Variants in OPRM1 observed in about 807,000 individuals in gnomAD.
The protein encoded by OPRM1 is opioid receptor mu 1, also known as mu-type opioid receptor.
OPRM1 carries 27 observed loss-of-function variants against 31.8 expected under a neutral mutation model. The observed-to-expected ratio is 0.85, with a 90% CI of 0.63 to 1.17. The LOEUF is 1.17. Ranked by LOEUF, OPRM1 falls within the 50% of genes most tolerant of loss-of-function variation. OPRM1 has a pLI of 0.00. For synonymous variants in OPRM1, 196 were observed against 189.9 expected (o/e 1.03, Z -0.26); for missense variants, 536 against 511.1 (o/e 1.05, Z -0.47).
rs182343425 is a variant in OPRM1 at position 154,109,095 on chromosome 6, A to G, written c.1165-9588A>G. ...AATGTTAGCCTCACTCTAATAGACA[A>G]TACACTTCAGGAACGAAATAAGCAA... On this transcript the variant is annotated intron_variant, in intron 3 of 3. Coordinates refer to ENST00000330432, the MANE Select transcript of OPRM1 (RefSeq NM_000914.5). 31 of 941,000 alleles carry G rather than the reference A, an allele frequency of 3.3e-5. No homozygotes were observed. In the African/African-American group the frequency reaches 5.0e-4, roughly 15 times the overall value. 58.3% of individuals were successfully genotyped at this position (941,000 alleles called of 1,614,324 possible).
intron 3 of OPRM1, among the ~76,000 whole-genome samples, chr6:154,195,254 T>G (rs1184455359): frequency 6.6e-6 from 1 of 151,094 alleles, no homozygotes; most frequent in Non-Finnish European, 1.5e-5. Flanking sequence ...TTCACACCAT[T>G]CTCCTGCCTC....
chr6:154,022,307 TC>T (rs1778422902), intron 1 of OPRM1, among the ~76,000 whole-genome samples: 1 of 152,130 alleles, frequency 6.6e-6, no homozygotes, highest in African/African-American at 2.4e-5. Context: ...TATAAAATCC[TC>T]TGATGAATCT....
intron 3 of OPRM1, among the ~76,000 whole-genome samples, chr6:154,194,795 T>C (rs927065220): frequency 3.9e-5 from 6 of 152,182 alleles, no homozygotes; most frequent in Non-Finnish European, 8.8e-5. Flanking sequence ...CATAGAGATC[T>C]TTAGCCACCT....
intron 3 of OPRM1, among the ~76,000 whole-genome samples, chr6:154,112,192 G>A (rs757670396): frequency 1.3e-5 from 2 of 152,178 alleles, no homozygotes; most frequent in Non-Finnish European, 2.9e-5. Flanking sequence ...TCTACTAACT[G>A]TACTGTGGTT....
Position 154,204,080 on chromosome 6 carries a change from AG to A in OPRM1, c.1165-42611del, listed in dbSNP as rs908198104. 8.5e-5 allele frequency among the ~76,000 whole-genome samples: 13 copies of A among 152,334 alleles called. No homozygotes were observed. The East Asian group carries it at 1.3e-3, about 16-fold the overall frequency. ...GTATTAAGTATTTTATATTTAAATGAGGAAGTTAAAGACATTTCAAAAATCT... is the reference window on the plus strand; with the variant it reads ...GTATTAAGTATTTTATATTTAAATGAGAAGTTAAAGACATTTCAAAAATCT... On this transcript the variant is annotated intron_variant, in intron 3 of 3. Coordinates refer to the OPRM1 transcript ENST00000337049.
chr6:154,046,097 G>A (rs1326882627), intron 1 of OPRM1, among the ~76,000 whole-genome samples: 5 of 152,120 alleles, frequency 3.3e-5, no homozygotes, highest in African/African-American at 1.2e-4. Context: ...GTGACTATAC[G>A]TTAGCACAGT....
At chr6:154,240,221 C>A (rs981162861) in intron 3 of OPRM1, among the ~76,000 whole-genome samples, 2 of 152,070 alleles carry the variant, frequency 1.3e-5, no homozygotes, top group African/African-American at 4.8e-5. Flanking sequence ...TTAAGCAATT[C>A]CTTCAAAAAA....
chr6:154,207,121 C>A (rs1020340898), intron 3 of OPRM1, among the ~76,000 whole-genome samples: 3 of 152,106 alleles, frequency 2.0e-5, no homozygotes, highest in Non-Finnish European at 2.9e-5. Context: ...TAACTCAGGT[C>A]AGGGCTGATG....
At chr6:154,201,468 T>C (rs922416918) in intron 3 of OPRM1, among the ~76,000 whole-genome samples, 1 of 152,130 alleles carries the variant, frequency 6.6e-6, no homozygotes, top group African/African-American at 2.4e-5. Context: ...GCCAACAAAA[T>C]CAAAAAATCT....
At chr6:154,171,366 C>T (rs1799854704) in intron 3 of OPRM1, among the ~76,000 whole-genome samples, 1 of 152,118 alleles carries the variant, frequency 6.6e-6, no homozygotes, top group Non-Finnish European at 1.5e-5. Flanking sequence ...AAGCCAGTCA[C>T]AAACAACCAC....
At chr6:154,096,271 G>T (rs910261117) in intron 3 of OPRM1, among the ~76,000 whole-genome samples, 1 of 152,060 alleles carries the variant, frequency 6.6e-6, no homozygotes, top group East Asian at 1.9e-4. Flanking sequence ...TGTTGGTCAG[G>T]CTGGCCTCAA....
At chr6:154,143,586 T>C (rs1798277181) in intron 3 of OPRM1, among the ~76,000 whole-genome samples, 1 of 152,156 alleles carries the variant, frequency 6.6e-6, no homozygotes, top group Non-Finnish European at 1.5e-5. Context: ...GATGCTATGG[T>C]TTGAATGTTT....
intron 3 of OPRM1, among the ~76,000 whole-genome samples, chr6:154,214,032 G>T (rs1778182666): frequency 6.6e-6 from 1 of 152,170 alleles, no homozygotes; most frequent in African/African-American, 2.4e-5. Flanking sequence ...AGCATGGGAA[G>T]CTCTATTCCA....
chr6:154,227,691 TGG>T (rs767592022), intron 3 of OPRM1, among the ~76,000 whole-genome samples: 54 of 152,182 alleles, frequency 3.5e-4, no homozygotes, highest in Non-Finnish European at 7.2e-4. Flanking sequence ...CACTCCAGCC[TGG>T]GTGACAGAGT....
chr6:154,099,327 G>GGAAGGAAA (rs1298197103), intron 3 of OPRM1, among the ~76,000 whole-genome samples: 2 of 127,280 alleles, frequency 1.6e-5, no homozygotes, highest in Non-Finnish European at 3.3e-5. Context: ...AAGGAAGGAA[G>GGAAGGAAA]GAAGGGAGGG....
At chr6:154,050,241 G>A (rs1781925142) in intron 1 of OPRM1, among the ~76,000 whole-genome samples, 1 of 152,092 alleles carries the variant, frequency 6.6e-6, no homozygotes, top group African/African-American at 2.4e-5. Flanking sequence ...TAGGTTGTAT[G>A]TATATACTCA....
At position 154,122,528 on chromosome 6, in the gene OPRM1, T is replaced by A. The variant is rs2128527577; in HGVS notation, c.*3807T>A. On this transcript the variant is annotated 3_prime_UTR_variant, in exon 4 of 4. Coordinates refer to ENST00000330432, the MANE Select transcript of OPRM1 (RefSeq NM_000914.5). ...TCTAAGGCAAAAGTAAATTAATGAG[T>A]CCAACTCTGGGGCATCCATTTAAGA... Among the ~76,000 whole-genome samples, 1 of 152,214 alleles carries A rather than the reference T, an allele frequency of 6.6e-6. No individual in the cohort carries two copies. The highest frequency in any genetic ancestry group is 1.9e-4 in the East Asian group (1 of 5,178).
chr6:154,078,886 GA>G (rs17181150), intron 1 of OPRM1, among the ~76,000 whole-genome samples: 40 of 151,822 alleles, frequency 2.6e-4, no homozygotes, highest in East Asian at 7.8e-4. Context: ...TCAGGAGGGG[GA>G]AAAAAAATCA....
At chr6:154,049,944 CA>C (rs1185590050) in intron 1 of OPRM1, among the ~76,000 whole-genome samples, 1 of 152,130 alleles carries the variant, frequency 6.6e-6, no homozygotes, top group African/African-American at 2.4e-5. Flanking sequence ...TAATATTCAT[CA>C]GAGATATTGG....
Sources: gnomAD v4.1 joint callset for allele counts (sites outside exome capture counted in the v4.1 genomes callset) on GRCh38, gnomAD v4.1.1 for gene constraint, MANE v1.5 for transcripts, NCBI Gene and HGNC (gene_info 2026-07-23, HGNC 2026-07-21) for gene names.